Variants in IGF2BP3 observed in about 807,000 individuals in gnomAD.
The protein encoded by IGF2BP3 is insulin like growth factor 2 mRNA binding protein 3.
A neutral mutation model predicts 73.8 loss-of-function variants in IGF2BP3; 9 were observed. The observed-to-expected ratio is 0.12, with a 90% CI of 0.07 to 0.21. The LOEUF (loss-of-function observed/expected upper bound fraction) is 0.21, where lower values mean the gene tolerates loss of function less well. Ranked by LOEUF, IGF2BP3 falls within the 10% of genes least tolerant of loss-of-function variation. The pLI, the probability that IGF2BP3 is intolerant of heterozygous loss-of-function variation, is 1.00. For missense variants in IGF2BP3, 542 were observed against 714.0 expected (o/e 0.76, Z 2.75); for synonymous variants, 258 against 256.7 (o/e 1.01, Z -0.05).
chr7:23,418,066 G>A (rs2128535157), intron 3 of IGF2BP3, among the ~76,000 whole-genome samples: 1 of 152,242 alleles, frequency 6.6e-6, no homozygotes, highest in African/African-American at 2.4e-5. Flanking sequence ...CTCATCAAAT[G>A]TCATTTTAGA....
chr7:23,337,614 T>C (rs546239155), intron 10 of IGF2BP3, among the ~76,000 whole-genome samples: 5 of 152,372 alleles, frequency 3.3e-5, no homozygotes, highest in African/African-American at 1.2e-4. Flanking sequence ...GCCAGTGGTA[T>C]GTTCTGGCCA....
At chr7:23,347,788 A>G in intron 6 of IGF2BP3, 54 bp from the exon 7 acceptor site, 5 of 1,608,526 alleles carry the variant, frequency 3.1e-6, no homozygotes, top group Non-Finnish European at 3.4e-6. Flanking sequence ...GTGTATTCAC[A>G]GTGGAGTCTG....
chr7:23,326,096 C>T (rs1440994989), intron 10 of IGF2BP3, among the ~76,000 whole-genome samples: 1 of 152,052 alleles, frequency 6.6e-6, no homozygotes, highest in African/African-American at 2.4e-5. Flanking sequence ...AGCTTCTGCA[C>T]AGCAAAAGAA....
At chr7:23,417,710 G>C (rs1787232045) in intron 3 of IGF2BP3, among the ~76,000 whole-genome samples, 1 of 152,026 alleles carries the variant, frequency 6.6e-6, no homozygotes, top group African/African-American at 2.4e-5. Flanking sequence ...TAGTAATCTT[G>C]CTATTACAAC....
intron 7 of IGF2BP3, among the ~76,000 whole-genome samples, chr7:23,346,638 G>A (rs1337623875): frequency 2.0e-5 from 3 of 151,496 alleles, no homozygotes; most frequent in Admixed American, 2.0e-4. Context: ...CTGGCGCCAG[G>A]CAGGCGTGCA....
chr7:23,328,116 A>T (rs1784352777), intron 10 of IGF2BP3, among the ~76,000 whole-genome samples: 1 of 152,212 alleles, frequency 6.6e-6, no homozygotes, highest in Non-Finnish European at 1.5e-5. Flanking sequence ...GTTGGGCTGT[A>T]TCCTTTCTGC....
At chr7:23,428,046 C>T (rs188155364) in intron 2 of IGF2BP3, among the ~76,000 whole-genome samples, 13 of 151,736 alleles carry the variant, frequency 8.6e-5, no homozygotes, top group African/African-American at 2.9e-4. Context: ...TGTGGTGGCA[C>T]GCACCTGTAA....
At chr7:23,338,774 TC>T (rs558928068) in intron 10 of IGF2BP3, among the ~76,000 whole-genome samples, 311 of 152,322 alleles carry the variant, frequency 2.0e-3, no homozygotes, top group Non-Finnish European at 3.5e-3. Flanking sequence ...AACATTTTTT[TC>T]CCCTTAAGGC....
chr7:23,469,446 G>A lies in IGF2BP3; in HGVS notation c.175+490C>T, dbSNP rs1584078964. ...GCCGCCTGTGCGAGGCACCAGCCTC[G>A]CGGTCTCACTCGGCAGCACGGTCGA... On this transcript the variant is annotated intron_variant, in intron 1 of 14. Transcript: ENST00000258729. The surrounding 1 kb of genome is among the most constrained non-coding windows in gnomAD (Gnocchi z 6.1). The A allele has an allele frequency of 6.6e-6, 1 of 152,370 alleles. No homozygotes were observed. Among genetic ancestry groups the A allele is most frequent in the East Asian group, 1.9e-4 (1 of 5,178 alleles). 9.4% of individuals were successfully genotyped at this position (152,370 alleles called of 1,614,324 possible).
intron 10 of IGF2BP3, among the ~76,000 whole-genome samples, chr7:23,326,120 T>C (rs1784288501): frequency 6.6e-6 from 1 of 151,870 alleles, no homozygotes; most frequent in South Asian, 2.1e-4. Flanking sequence ...ACCATCAGAG[T>C]GAACAGGCAA....
chr7:23,358,060 A>T (rs959820979), intron 5 of IGF2BP3, among the ~76,000 whole-genome samples: 7 of 152,264 alleles, frequency 4.6e-5, no homozygotes, highest in African/African-American at 1.2e-4. Flanking sequence ...GCTCTACCTT[A>T]CAGGTATTAT....
chr7:23,386,258 G>GT (rs1786078781), intron 3 of IGF2BP3, among the ~76,000 whole-genome samples: 1 of 152,110 alleles, frequency 6.6e-6, no homozygotes, highest in East Asian at 1.9e-4. Flanking sequence ...CAGCCCTTTG[G>GT]GAGGCCAAGG....
intron 10 of IGF2BP3, among the ~76,000 whole-genome samples, chr7:23,327,346 T>C (rs918621232): frequency 6.7e-6 from 1 of 149,244 alleles, no homozygotes; most frequent in Non-Finnish European, 1.5e-5. Context: ...AGTGGCGCAA[T>C]CTCGGCTCAC....
intron 3 of IGF2BP3, among the ~76,000 whole-genome samples, chr7:23,389,567 TAC>T (rs1215187636): frequency 4.0e-5 from 6 of 151,648 alleles, no homozygotes; most frequent in Non-Finnish European, 8.8e-5. Flanking sequence ...ATTACAAGAC[TAC>T]ACAGATGGGA....
intron 2 of IGF2BP3, among the ~76,000 whole-genome samples, chr7:23,462,154 C>A (rs927766782): frequency 4.6e-5 from 7 of 152,178 alleles, no homozygotes; most frequent in Non-Finnish European, 8.8e-5. Context: ...CAGAAACCAC[C>A]ACCTAACAGA....
intron 2 of IGF2BP3, among the ~76,000 whole-genome samples, chr7:23,462,143 T>C (rs1243193514): frequency 2.6e-5 from 4 of 152,180 alleles, no homozygotes; most frequent in Admixed American, 1.3e-4. Flanking sequence ...CACATGTGGA[T>C]CAGAAACCAC....
At chr7:23,391,330 C>T (rs1416115052) in intron 3 of IGF2BP3, among the ~76,000 whole-genome samples, 1 of 151,962 alleles carries the variant, frequency 6.6e-6, no homozygotes, top group Non-Finnish European at 1.5e-5. Context: ...GAATTCCCGA[C>T]TTCAAATGAT....
intron 3 of IGF2BP3, among the ~76,000 whole-genome samples, chr7:23,379,599 C>A (rs1785841195): frequency 6.6e-6 from 1 of 152,162 alleles, no homozygotes; most frequent in South Asian, 2.1e-4. Flanking sequence ...CAGTTAATGG[C>A]AAATCTTTTA....
chr7:23,441,022 T>G lies in IGF2BP3; in HGVS notation c.237-22198A>C, dbSNP rs563289987. 3.3e-5 allele frequency among the ~76,000 whole-genome samples: 5 copies of G among 152,204 alleles called. No individual in the cohort carries two copies. In the South Asian group the frequency reaches 1.0e-3, roughly 32 times the overall value. On this transcript the variant is annotated intron_variant, in intron 2 of 14. Transcript: ENST00000258729. The stretch of plus-strand genomic sequence containing the variant: ...GGAAGGCTTTACACACATAAATAAC[T>G]TAAAAATTAGTTGCAGAATCCTACA...
Sources: gnomAD v4.1 joint callset for allele counts (sites outside exome capture counted in the v4.1 genomes callset) on GRCh38, gnomAD v4.1.1 for gene constraint, Gnocchi (gnomAD v3.1) non-coding constraint, MANE v1.5 for transcripts, NCBI Gene and HGNC (gene_info 2026-07-23, HGNC 2026-07-21) for gene names.